Variants in SRGAP3 observed in about 807,000 individuals in gnomAD.
SRGAP3 encodes SLIT-ROBO Rho GTPase-activating protein 3.
In SRGAP3, 39 loss-of-function variants were observed where a neutral mutation model predicts 121.1. That is an observed-to-expected ratio of 0.32 (90% CI 0.25 to 0.42). SRGAP3 has a LOEUF of 0.42. Ranked by LOEUF, SRGAP3 falls within the 10% of genes least tolerant of loss-of-function variation. SRGAP3 has a pLI of 1.00. For missense variants in SRGAP3, 1,213 were observed against 1,470.6 expected, an observed-to-expected ratio of 0.82 and a Z score of 2.86; for synonymous variants, 601 against 570.0, an observed-to-expected ratio of 1.05 and a Z score of -0.77.
chr3:9,163,268 GA>G (rs1348882831), intron 1 of SRGAP3, among the ~76,000 whole-genome samples: 12 of 152,222 alleles, frequency 7.9e-5, no homozygotes, highest in African/African-American at 2.9e-4. Context: ...TCTCGTGGGA[GA>G]GATCACTTCC....
In SRGAP3 at chr3:9,256,752, T is replaced by C. The variant is rs1044969909; in HGVS notation, n.442+69258A>G. ...ACTAAGTTCACACATTAATCTTCTC[T>C]TTTCAGCTCCGCCTGCATTCTGCCC... On this transcript the variant is annotated intron_variant and non_coding_transcript_variant, in intron 3 of 3. Transcript: ENST00000490889. 11 of 396,776 alleles carry C rather than the reference T, an allele frequency of 2.8e-5. No individual in the cohort carries two copies. The Admixed American group carries it at 4.9e-4, about 18-fold the overall frequency. 24.6% of individuals were successfully genotyped at this position (396,776 alleles called of 1,614,324 possible).
intron 1 of SRGAP3, chr3:9,194,572 G>A: frequency 6.6e-6 from 1 of 152,230 alleles, no homozygotes; most frequent in East Asian, 1.9e-4. Flanking sequence ...CAACAGCTGA[G>A]AGGATAGTCT....
chr3:9,224,655 C>T (rs1317678192), intron 1 of SRGAP3, among the ~76,000 whole-genome samples: 1 of 152,176 alleles, frequency 6.6e-6, no homozygotes, highest in Admixed American at 6.5e-5. Context: ...AAGGATGACT[C>T]AATAAAAGAA....
chr3:9,114,105 T>C (rs1948723063), intron 2 of SRGAP3, among the ~76,000 whole-genome samples: 1 of 152,070 alleles, frequency 6.6e-6, no homozygotes, highest in Non-Finnish European at 1.5e-5. Context: ...TGCTTATCAG[T>C]TGGGGTGCTA....
intron 3 of SRGAP3, among the ~76,000 whole-genome samples, chr3:9,288,990 G>A (rs1954829164): frequency 6.6e-6 from 1 of 152,108 alleles, no homozygotes; most frequent in East Asian, 1.9e-4. Flanking sequence ...TCCACCTCCT[G>A]GATTCAAGCG....
intron 3 of SRGAP3, among the ~76,000 whole-genome samples, chr3:9,317,109 A>G (rs370919681): frequency 6.6e-6 from 1 of 152,220 alleles, no homozygotes; most frequent in African/African-American, 2.4e-5. Context: ...AAAAGGGGCC[A>G]GCCAGCAGCC....
chr3:9,001,419 T>C (rs1346609523), intron 18 of SRGAP3, among the ~76,000 whole-genome samples: 1 of 152,112 alleles, frequency 6.6e-6, no homozygotes, highest in Non-Finnish European at 1.5e-5. Flanking sequence ...AAAAATATAG[T>C]GAAAACATCA....
chr3:9,172,093 CTTTT>C (rs1553684903), intron 1 of SRGAP3, among the ~76,000 whole-genome samples: 1 of 90,174 alleles, frequency 1.1e-5, no homozygotes. Context: ...TTTTTCTTTT[CTTTT>C]TTTTTTTTTT....
At position 8,994,101 on chromosome 3, in the gene SRGAP3, A is replaced by T. The variant is rs115790009; in HGVS notation, c.2408+242T>A. ...CTCCCTGGGGGCTGTCAGCTGCATC[A>T]GGATGTAGGCCAGAGGCACCCAACA... On this transcript the variant is annotated intron_variant, in intron 19 of 21. Coordinates refer to ENST00000383836, the MANE Select transcript of SRGAP3 (RefSeq NM_014850.4). 3.0e-3 allele frequency: 1,634 copies of T among 538,666 alleles called. 19 individuals are homozygous for T. The highest frequency in any genetic ancestry group is 0.028 in the African/African-American group (1,495 of 52,684). The allele number at this position is 538,666 out of a possible 1,614,324, so 33.4% of individuals were successfully genotyped here.
chr3:9,060,084 C>A, intron 6 of SRGAP3, 147 bp downstream of exon 6: 1 of 1,279,594 alleles, frequency 7.8e-7, no homozygotes, highest in African/African-American at 1.5e-5. Context: ...CCCCAAATCA[C>A]TGCCCTTCCC....
chr3:9,101,569 G>T (rs1342846659), intron 3 of SRGAP3, among the ~76,000 whole-genome samples: 1 of 152,212 alleles, frequency 6.6e-6, no homozygotes, highest in Non-Finnish European at 1.5e-5. Context: ...GCCAGCGGGT[G>T]GGGCTGACTG....
chr3:9,109,523 C>T lies in SRGAP3; in HGVS notation c.261-4681G>A, dbSNP rs548995100. On this transcript the variant is annotated intron_variant, in intron 2 of 21. Coordinates refer to ENST00000383836, the MANE Select transcript of SRGAP3 (RefSeq NM_014850.4). The surrounding 1 kb of genome is among the most constrained non-coding windows in gnomAD (Gnocchi z 4.4). ...GTGAAGATTCCTTCCAGCCCTCGTT[C>T]ACTCCTTGCGTTTGTGTGTCTGTGC... 3.3e-5 allele frequency among the ~76,000 whole-genome samples: 5 copies of T among 152,232 alleles called. No individual in the cohort carries two copies. The highest frequency in any genetic ancestry group is 5.9e-5 in the Non-Finnish European group (4 of 68,054).
At chr3:9,274,208 C>T (rs1475178364) in intron 3 of SRGAP3, among the ~76,000 whole-genome samples, 1 of 152,180 alleles carries the variant, frequency 6.6e-6, no homozygotes, top group African/African-American at 2.4e-5. Flanking sequence ...ACTTTGTGTT[C>T]ATTCCAATCC....
At chr3:9,078,098 G>C (rs1178810841) in intron 4 of SRGAP3, among the ~76,000 whole-genome samples, 2 of 152,206 alleles carry the variant, frequency 1.3e-5, no homozygotes, top group African/African-American at 4.8e-5. Flanking sequence ...GCGAGGTTTG[G>C]TCTGAGTTTG....
At chr3:9,266,314 G>A (rs74811847) in intron 3 of SRGAP3, among the ~76,000 whole-genome samples, 15,461 of 151,826 alleles carry the variant, frequency 0.1, 924 homozygotes, top group Admixed American at 0.15. Flanking sequence ...TGGCACATGT[G>A]TACCTACATA....
At position 9,203,233 on chromosome 3, in the gene SRGAP3, T is replaced by C. The variant is rs1040995996; in HGVS notation, c.67+45652A>G. On this transcript the variant is annotated intron_variant, in intron 1 of 21. Transcript: ENST00000383836. ...TCCCTGCAGCTGCAGCTTGTCACTA[T>C]GACCAAAACAATCACCCCCTCTCCC... Among the ~76,000 whole-genome samples, 7 of 152,202 alleles carry C rather than the reference T, an allele frequency of 4.6e-5. No individual in the cohort carries two copies. In the South Asian group the frequency reaches 6.2e-4, roughly 14 times the overall value.
chr3:9,168,202 A>G (rs1454134740), intron 1 of SRGAP3, among the ~76,000 whole-genome samples: 1 of 152,208 alleles, frequency 6.6e-6, no homozygotes, highest in African/African-American at 2.4e-5. Context: ...ACTTAGCCCA[A>G]TAGCCCATCA....
chr3:9,202,302 C>T (rs1281853497), intron 1 of SRGAP3, among the ~76,000 whole-genome samples: 4 of 152,150 alleles, frequency 2.6e-5, no homozygotes, highest in African/African-American at 9.7e-5. Context: ...GGTATTAGTG[C>T]CCACGTTATC....
At chr3:9,143,052 C>A (rs1343171146) in intron 1 of SRGAP3, among the ~76,000 whole-genome samples, 1 of 151,870 alleles carries the variant, frequency 6.6e-6, no homozygotes, top group African/African-American at 2.4e-5. Context: ...GTGGCCCAGG[C>A]TGGTCGAGAA....
Sources: allele counts gnomAD v4.1 joint callset (sites outside exome capture counted in the v4.1 genomes callset), GRCh38; gene constraint gnomAD v4.1.1; non-coding constraint Gnocchi (gnomAD v3.1); transcripts MANE v1.5; gene names NCBI Gene and HGNC (gene_info 2026-07-23, HGNC 2026-07-21).